Variants in ANXA5 observed in about 807,000 individuals in gnomAD.
ANXA5 encodes the protein CBP-I.
In ANXA5, 40 loss-of-function variants were observed where a neutral mutation model predicts 48.1. The observed-to-expected ratio is 0.83, with a 90% CI of 0.65 to 1.08. ANXA5 has a LOEUF of 1.08. Among genes scored for constraint, ANXA5 ranks in the 50% least tolerant of loss-of-function variants. The pLI is 0.00. For missense variants in ANXA5, 357 were observed against 376.8 expected (o/e 0.95, Z 0.44); for synonymous variants, 113 against 129.1 (o/e 0.88, Z 0.85).
intron 5 of ANXA5, 56 bp from the exon 6 acceptor site, chr4:121,681,817 TA>T: frequency 7.6e-7 from 1 of 1,308,520 alleles, no homozygotes. Flanking sequence ...AGAAAGTTAT[TA>T]AAAGAAAGTT....
At chr4:121,669,470 AC>A (rs1724575234) in intron 12 of ANXA5, 131 bp downstream of exon 12, 4 of 1,099,498 alleles carry the variant, frequency 3.6e-6, no homozygotes, top group Non-Finnish European at 5.3e-6. Context: ...AAGCTTTTTA[AC>A]TCATTGCTCT....
chr4:121,684,666 T>G lies in ANXA5; in HGVS notation c.189+11A>C. 6.2e-7 allele frequency: 1 copy of G among 1,610,756 alleles called. No individual in the cohort carries two copies. Among genetic ancestry groups the G allele is most frequent in the Non-Finnish European group, 8.5e-7 (1 of 1,177,372 alleles). ...TCTCCCATTCTCTCTTGGGATGAAG[T>G]GTGGTCTTACCCTGCCAAACAGAGT... On this transcript the variant is annotated intron_variant, in intron 4 of 12. Transcript: ENST00000296511.
chr4:121,688,691 C>A (rs939336359), intron 2 of ANXA5, among the ~76,000 whole-genome samples: 26 of 152,288 alleles, frequency 1.7e-4, no homozygotes, highest in African/African-American at 6.3e-4. Context: ...AAGCCCCACA[C>A]GACCTTAACT....
chr4:121,672,086 C>T (rs1284245025), intron 9 of ANXA5, among the ~76,000 whole-genome samples: 2 of 152,172 alleles, frequency 1.3e-5, no homozygotes, highest in African/African-American at 4.8e-5. Context: ...CCTGCCAAAT[C>T]AACCATGGAA....
intron 6 of ANXA5, among the ~76,000 whole-genome samples, chr4:121,679,936 T>G (rs1428728604): frequency 6.6e-6 from 1 of 152,144 alleles, no homozygotes. Flanking sequence ...AAGCATATAA[T>G]AGTTATACTT....
Position 121,669,608 on chromosome 4 carries a change from C to A in ANXA5, c.897G>T (p.Met299Ile). 6.2e-7 allele frequency: 1 copy of A among 1,613,350 alleles called. No individual in the cohort carries two copies. Reference protein sequence around the residue: ...RKNFATSLYSMIKGDTSGDYK... With the variant: ...RKNFATSLYSIIKGDTSGDYK... ...TAAAGAAAGGTTCTACTACCTTAAT[C>A]ATGGAATAAAGAGAGGTGGCAAAAT... Residue 299 changes from methionine (M) to isoleucine (I), a missense_variant, in exon 12 of 13, where the codon ATG becomes ATT. Coordinates refer to ENST00000296511, the MANE Select transcript of ANXA5 (RefSeq NM_001154.4).
intron 4 of ANXA5, 138 bp downstream of exon 4, chr4:121,684,539 A>C: frequency 1.5e-6 from 1 of 669,736 alleles, no homozygotes; most frequent in South Asian, 1.9e-5. Context: ...TTTAGAGGAG[A>C]GTGGAAAAGA....
intron 8 of ANXA5, among the ~76,000 whole-genome samples, chr4:121,675,929 G>A (rs1336346304): frequency 6.6e-6 from 1 of 152,192 alleles, no homozygotes. Flanking sequence ...TTCCCCTCAG[G>A]AGCCTCGTGC....
intron 2 of ANXA5, among the ~76,000 whole-genome samples, chr4:121,694,348 C>T (rs1237885269): frequency 6.6e-6 from 1 of 152,084 alleles, no homozygotes; most frequent in East Asian, 1.9e-4. Context: ...GTTTTGCCTT[C>T]ATGACATTCT....
intron 11 of ANXA5, 106 bp from the exon 12 acceptor site, chr4:121,669,830 G>C: frequency 6.8e-7 from 1 of 1,462,626 alleles, no homozygotes; most frequent in Non-Finnish European, 9.4e-7. Flanking sequence ...CAATTTAGTA[G>C]AACTGGGTTG....
chr4:121,682,730 T>C (rs1301376473), intron 5 of ANXA5, among the ~76,000 whole-genome samples: 1 of 152,126 alleles, frequency 6.6e-6, no homozygotes, highest in African/African-American at 2.4e-5. Context: ...TAAATCTCAA[T>C]GTGCCCATTC....
At chr4:121,669,080 T>C (rs1014857805) in intron 12 of ANXA5, among the ~76,000 whole-genome samples, 1 of 149,800 alleles carries the variant, frequency 6.7e-6, no homozygotes, top group African/African-American at 2.5e-5. Flanking sequence ...GTCAAAAGAC[T>C]TTAAGCTAAA....
At position 121,669,578 on chromosome 4, in the gene ANXA5, T is replaced by C. The variant is rs573926444; in HGVS notation, c.903+24A>G. 13 of 1,612,722 alleles carry C rather than the reference T, an allele frequency of 8.1e-6. No individual in the cohort carries two copies. The South Asian group carries it at 1.3e-4, about 16-fold the overall frequency. ...CCAGTCTGCTTTGGATTCCCAAACGTAATTTAAAGAAAGGTTCTACTACCT... is the reference window on the plus strand; with the variant it reads ...CCAGTCTGCTTTGGATTCCCAAACGCAATTTAAAGAAAGGTTCTACTACCT... On this transcript the variant is annotated intron_variant, in intron 12 of 12. Coordinates refer to ENST00000296511, the MANE Select transcript of ANXA5 (RefSeq NM_001154.4).
intron 10 of ANXA5, 129 bp downstream of exon 10, chr4:121,671,418 T>C: frequency 1.6e-6 from 1 of 617,178 alleles, no homozygotes; most frequent in Non-Finnish European, 2.8e-6. Context: ...ATTTGGGAGT[T>C]TGCTTCCCCT....
chr4:121,672,510 C>A, intron 9 of ANXA5, 23 bp downstream of exon 9: 1 of 1,558,222 alleles, frequency 6.4e-7, no homozygotes, highest in South Asian at 1.1e-5. Flanking sequence ...TGTATCTGCC[C>A]CATACAGATT....
intron 2 of ANXA5, among the ~76,000 whole-genome samples, chr4:121,689,964 TG>T (rs34674339): frequency 0.44 from 66,486 of 151,880 alleles, 16,070 homozygotes; most frequent in East Asian, 0.73. Context: ...ATAGTAGGCT[TG>T]GTGAGTTGTC....
intron 8 of ANXA5, among the ~76,000 whole-genome samples, chr4:121,676,130 G>A (rs1231521822): frequency 1.3e-5 from 2 of 152,130 alleles, no homozygotes; most frequent in Non-Finnish European, 2.9e-5. Flanking sequence ...TCCTAGCAAA[G>A]CCACAACCAA....
chr4:121,685,071 T>C (rs59561207), intron 3 of ANXA5, among the ~76,000 whole-genome samples: 15,177 of 146,396 alleles, frequency 0.1, 1,083 homozygotes, highest in African/African-American at 0.2. Flanking sequence ...CATATATATA[T>C]ACACACACAC....
At chr4:121,671,236 T>C (rs1239592269) in intron 10 of ANXA5, among the ~76,000 whole-genome samples, 1 of 152,188 alleles carries the variant, frequency 6.6e-6, no homozygotes, top group East Asian at 1.9e-4. Flanking sequence ...GAAATAATGT[T>C]TACAAGCCTC....
Sources: allele counts gnomAD v4.1 joint callset (sites outside exome capture counted in the v4.1 genomes callset), GRCh38; gene constraint gnomAD v4.1.1; transcripts MANE v1.5; gene names NCBI Gene and HGNC (gene_info 2026-07-23, HGNC 2026-07-21).